Variants in PDE4DIP observed in about 807,000 individuals in gnomAD.
PDE4DIP encodes the protein myomegalin.
A neutral mutation model predicts 221.4 loss-of-function variants in PDE4DIP; 59 were observed. The observed-to-expected ratio is 0.27, with a 90% CI of 0.22 to 0.33. The LOEUF is 0.33. Among genes scored for constraint, PDE4DIP ranks in the 10% least tolerant of loss-of-function variants. The pLI, the probability that PDE4DIP is intolerant of heterozygous loss-of-function variation, is 1.00. For missense variants in PDE4DIP, 1,036 were observed against 2,154.2 expected (o/e 0.48, Z 10.28); for synonymous variants, 404 against 815.9 (o/e 0.50, Z 8.60).
intron 3 of PDE4DIP, among the ~76,000 whole-genome samples, chr1:148,875,915 G>A (rs1353369614): frequency 1.3e-5 from 2 of 152,408 alleles, no homozygotes; most frequent in East Asian, 3.9e-4. Context: ...GACAAAGCGA[G>A]ACTCTGTCTC....
At chr1:149,008,944 C>T (rs1553602191) in intron 29 of PDE4DIP, among the ~76,000 whole-genome samples, 1 of 139,138 alleles carries the variant, frequency 7.2e-6, no homozygotes, top group Admixed American at 7.2e-5. Flanking sequence ...TGCCTCAGGA[C>T]CCAGTTCTCA....
chr1:148,989,504 A>G (rs61809693), intron 21 of PDE4DIP: 5 of 233,586 alleles, frequency 2.1e-5, no homozygotes, highest in South Asian at 8.1e-5. Context: ...AGTGTCAGAT[A>G]AAAACCTTCA....
chr1:149,010,607 C>T lies in PDE4DIP; in HGVS notation c.5080+12C>T. 5.0e-6 allele frequency: 8 copies of T among 1,613,024 alleles called. No individual in the cohort carries two copies. Among genetic ancestry groups the T allele is most frequent in the East Asian group, 2.2e-5 (1 of 44,878 alleles). Reference sequence around the variant, plus strand: ...CCAGGCCCATTCAGGTATGCAACAGCCAATGGGGCAGAAGCTTCATCTCCT... The same window carrying T: ...CCAGGCCCATTCAGGTATGCAACAGTCAATGGGGCAGAAGCTTCATCTCCT... On this transcript the variant is annotated intron_variant, in intron 31 of 43. Coordinates refer to ENST00000369354, the Ensembl canonical transcript of PDE4DIP.
intron 21 of PDE4DIP, chr1:148,982,778 C>T (rs2061323242): frequency 2.0e-5 from 3 of 152,138 alleles, no homozygotes; most frequent in South Asian, 2.1e-4. Context: ...AAGTGGGGCA[C>T]AATGATTTTT....
chr1:149,029,752 T>C, intron 41 of PDE4DIP, 35 bp from the exon 45 acceptor site: 1 of 1,124,258 alleles, frequency 8.9e-7, no homozygotes. Flanking sequence ...TTAGGCCTTC[T>C]GCCTGGTCAG....
intron 5 of PDE4DIP, among the ~76,000 whole-genome samples, chr1:148,955,244 CAT>C (rs1256291889): frequency 1.3e-5 from 2 of 152,284 alleles, no homozygotes; most frequent in African/African-American, 4.8e-5. Context: ...TGTGACTAGA[CAT>C]AGGTGTTACA....
intron 1 of PDE4DIP, among the ~76,000 whole-genome samples, chr1:148,813,955 TC>T (rs111582682): frequency 3.7e-3 from 78 of 21,098 alleles, no homozygotes; most frequent in African/African-American, 0.017. Context: ...CTTTTTTTTT[TC>T]CTTTTTCTTT....
chr1:148,822,811 C>T (rs1664033), intron 1 of PDE4DIP, among the ~76,000 whole-genome samples: 2 of 101,408 alleles, frequency 2.0e-5, no homozygotes, highest in South Asian at 7.5e-4. Context: ...TAATATTTAT[C>T]GAGTAAATGA....
intron 14 of PDE4DIP, among the ~76,000 whole-genome samples, chr1:148,970,434 G>A (rs2058991826): frequency 6.6e-6 from 1 of 152,064 alleles, no homozygotes. Context: ...TGCACTGCTG[G>A]TAATAGAATA....
exon 37 of PDE4DIP, chr1:149,021,032 G>T (rs141508658): frequency 1.8e-5 from 19 of 1,073,710 alleles, no homozygotes; most frequent in Non-Finnish European, 2.6e-5. Flanking sequence ...TGGTCAGACT[G>T]CAGCACAAGC....
intron 1 of PDE4DIP, among the ~76,000 whole-genome samples, chr1:148,926,683 G>A (rs486749): frequency 4.0e-4 from 60 of 151,674 alleles, no homozygotes; most frequent in African/African-American, 1.2e-3. Context: ...ACATTAGGAA[G>A]TTGCTCCCTC....
intron 1 of PDE4DIP, among the ~76,000 whole-genome samples, chr1:148,859,637 G>A (rs1373915399): frequency 1.3e-5 from 2 of 149,654 alleles, no homozygotes; most frequent in African/African-American, 5.1e-5. Flanking sequence ...GCTAAAAGTG[G>A]CCTGGCGAAC....
chr1:149,009,457 A>G (rs1215657228), intron 29 of PDE4DIP, 111 bp from the exon 33 acceptor site: 1 of 648,768 alleles, frequency 1.5e-6, no homozygotes, highest in Non-Finnish European at 2.8e-6. Context: ...TTCCATAATT[A>G]TCTGCAGGCA....
At chr1:148,991,550 T>G (rs2063060319) in intron 21 of PDE4DIP, 1 of 984,604 alleles carries the variant, frequency 1.0e-6, no homozygotes, top group Non-Finnish European at 1.2e-6. Context: ...GAAGAGAAAG[T>G]TTTTATGTAG....
At chr1:148,939,981 CA>C (rs2050164946) in intron 5 of PDE4DIP, among the ~76,000 whole-genome samples, 2 of 150,150 alleles carry the variant, frequency 1.3e-5, no homozygotes, top group South Asian at 4.3e-4. Context: ...TATTTTAGTT[CA>C]GAATTTACAT....
intron 5 of PDE4DIP, among the ~76,000 whole-genome samples, chr1:148,950,787 A>C: frequency 7.0e-6 from 1 of 142,816 alleles, no homozygotes; most frequent in African/African-American, 2.6e-5. Context: ...CCCCACCTCC[A>C]ACACTGGGGA....
At position 148,947,997 on chromosome 1, in the gene PDE4DIP, TTA is replaced by T. The variant is rs1366769144; in HGVS notation, c.636+10135_636+10136del. ...ACTCAAGGGGGTAGGTCCCAACAAT[TTA>T]TGTTAACAAGCCCTCCAGGTGATTC... On this transcript the variant is annotated intron_variant, in intron 5 of 43. Transcript: ENST00000369354. Among the ~76,000 whole-genome samples, 5 of 151,000 alleles carry T rather than the reference TTA, an allele frequency of 3.3e-5. No homozygotes were observed. In the East Asian group the frequency reaches 9.8e-4, roughly 30 times the overall value.
chr1:148,951,543 A>G (rs1407854241), intron 5 of PDE4DIP, among the ~76,000 whole-genome samples: 1 of 152,284 alleles, frequency 6.6e-6, no homozygotes, highest in African/African-American at 2.4e-5. Context: ...TACGGAAAGA[A>G]GCACTGTCTT....
chr1:148,968,107 T>G (rs879998495), intron 13 of PDE4DIP, among the ~76,000 whole-genome samples: 2 of 147,052 alleles, frequency 1.4e-5, no homozygotes, highest in Admixed American at 1.4e-4. Flanking sequence ...TCAAAGAACT[T>G]ATGTGAGAAT....
Sources: allele counts gnomAD v4.1 joint callset (sites outside exome capture counted in the v4.1 genomes callset), GRCh38; gene constraint gnomAD v4.1.1; transcripts MANE v1.5; gene names NCBI Gene and HGNC (gene_info 2026-07-23, HGNC 2026-07-21).